CNTNAP2: variants seen among roughly 807,000 people sequenced by gnomAD.
The protein encoded by CNTNAP2 is contactin-associated protein-like 2.
Under a neutral mutation model 155.2 loss-of-function variants are expected in CNTNAP2, and 98 were observed. That is an observed-to-expected ratio of 0.63 (90% CI 0.54 to 0.75). The LOEUF (loss-of-function observed/expected upper bound fraction) is 0.75. Among genes scored for constraint, CNTNAP2 ranks in the 30% least tolerant of loss-of-function variants. The pLI is 0.00. For synonymous variants in CNTNAP2, 651 were observed against 631.2 expected (o/e 1.03, Z -0.47); for missense variants, 1,727 against 1,688.1 (o/e 1.02, Z -0.40).
intron 1 of CNTNAP2, among the ~76,000 whole-genome samples, chr7:146,185,620 C>T (rs757680433): frequency 7.2e-5 from 11 of 152,122 alleles, no homozygotes; most frequent in Non-Finnish European, 1.3e-4. Context: ...GTGCCTGGCA[C>T]GTAGTAAGTG....
intron 17 of CNTNAP2, among the ~76,000 whole-genome samples, chr7:148,171,150 G>A (rs1160238781): frequency 6.6e-6 from 1 of 152,156 alleles, no homozygotes; most frequent in African/African-American, 2.4e-5. Context: ...TGGGAATAAT[G>A]CAAATAATAT....
At chr7:147,702,676 T>C (rs1016448043) in intron 13 of CNTNAP2, among the ~76,000 whole-genome samples, 5 of 151,948 alleles carry the variant, frequency 3.3e-5, no homozygotes, top group African/African-American at 1.2e-4. Context: ...TGTTAATTGG[T>C]GATCTGAAAA....
At chr7:147,483,631 T>C (rs984980940) in intron 10 of CNTNAP2, among the ~76,000 whole-genome samples, 7 of 152,218 alleles carry the variant, frequency 4.6e-5, no homozygotes, top group African/African-American at 1.7e-4. Flanking sequence ...AATATTAGGC[T>C]GAGCTAATAT....
intron 2 of CNTNAP2, among the ~76,000 whole-genome samples, chr7:146,811,057 TA>T (rs1352932414): frequency 6.6e-6 from 1 of 152,184 alleles, no homozygotes; most frequent in African/African-American, 2.4e-5. Flanking sequence ...TGAGGAGTTT[TA>T]CATCTGTGTT....
chr7:147,186,731 G>C (rs1191757069), intron 8 of CNTNAP2, among the ~76,000 whole-genome samples: 1 of 152,158 alleles, frequency 6.6e-6, no homozygotes, highest in Non-Finnish European at 1.5e-5. Flanking sequence ...TCCACGTAGA[G>C]ATGTGGAGAG....
chr7:148,137,576 A>G (rs534188191), intron 16 of CNTNAP2, among the ~76,000 whole-genome samples: 1 of 152,116 alleles, frequency 6.6e-6, no homozygotes, highest in African/African-American at 2.4e-5. Flanking sequence ...GCAGGAGAAT[A>G]ATTTAAACCT....
intron 3 of CNTNAP2, among the ~76,000 whole-genome samples, chr7:146,892,090 A>T (rs1333373442): frequency 6.6e-6 from 1 of 152,202 alleles, no homozygotes; most frequent in East Asian, 1.9e-4. Context: ...AGTTGGTGGC[A>T]GCAGTTCATT....
chr7:146,921,509 C>T (rs1010095374), intron 3 of CNTNAP2, among the ~76,000 whole-genome samples: 1 of 151,966 alleles, frequency 6.6e-6, no homozygotes, highest in Non-Finnish European at 1.5e-5. Flanking sequence ...GGGGTTTAAT[C>T]GACTCACAGT....
chr7:147,430,891 C>G (rs969148819), intron 10 of CNTNAP2, among the ~76,000 whole-genome samples: 2 of 151,718 alleles, frequency 1.3e-5, no homozygotes, highest in Non-Finnish European at 2.9e-5. Flanking sequence ...AGTGAGACAC[C>G]GTCTCTACTG....
intron 1 of CNTNAP2, among the ~76,000 whole-genome samples, chr7:146,615,962 T>C (rs1023189574): frequency 6.6e-6 from 1 of 152,230 alleles, no homozygotes; most frequent in Non-Finnish European, 1.5e-5. Flanking sequence ...TTTGCTCAAG[T>C]TCTTCTGGGA....
chr7:146,322,301 C>A (rs1219732004), intron 1 of CNTNAP2, among the ~76,000 whole-genome samples: 1 of 152,158 alleles, frequency 6.6e-6, no homozygotes, highest in Non-Finnish European at 1.5e-5. Flanking sequence ...AAGAATTCCC[C>A]TTTCCAGGTT....
chr7:148,206,605 T>C (rs1039600446), intron 18 of CNTNAP2, among the ~76,000 whole-genome samples: 4 of 152,236 alleles, frequency 2.6e-5, no homozygotes. Context: ...ATCCTCCCGC[T>C]GTCGTTCCTG....
At chr7:146,611,692 A>G (rs1224577394) in intron 1 of CNTNAP2, among the ~76,000 whole-genome samples, 1 of 152,184 alleles carries the variant, frequency 6.6e-6, no homozygotes, top group Admixed American at 6.5e-5. Flanking sequence ...CTTCAGTGAG[A>G]GGTACCCTTA....
intron 13 of CNTNAP2, among the ~76,000 whole-genome samples, chr7:147,806,030 C>A (rs1361798469): frequency 1.3e-5 from 2 of 152,144 alleles, no homozygotes; most frequent in African/African-American, 4.8e-5. Flanking sequence ...AATCTCCACA[C>A]AGCAAGGGAG....
intron 12 of CNTNAP2, among the ~76,000 whole-genome samples, chr7:147,583,428 AT>A (rs1021764879): frequency 1.0e-4 from 15 of 147,902 alleles, no homozygotes; most frequent in Admixed American, 2.7e-4. Context: ...CTACAACTCT[AT>A]TTTTTTTCCA....
intron 21 of CNTNAP2, among the ~76,000 whole-genome samples, chr7:148,347,110 A>G (rs1200478078): frequency 6.6e-6 from 1 of 152,054 alleles, no homozygotes; most frequent in Non-Finnish European, 1.5e-5. Flanking sequence ...TACAAAAATT[A>G]GCCAGGCATG....
At chr7:147,911,590 G>A (rs58175733) in intron 14 of CNTNAP2, among the ~76,000 whole-genome samples, 32,279 of 152,086 alleles carry the variant, frequency 0.21, 3,663 homozygotes, top group Middle Eastern at 0.3. Flanking sequence ...TCAAAATAAT[G>A]TAAAGTTCCA....
intron 14 of CNTNAP2, among the ~76,000 whole-genome samples, chr7:147,937,809 T>C (rs1459915568): frequency 5.9e-5 from 9 of 152,144 alleles, no homozygotes; most frequent in Non-Finnish European, 1.0e-4. Flanking sequence ...GACTTAGAGA[T>C]TATTTCAGAA....
intron 17 of CNTNAP2, among the ~76,000 whole-genome samples, chr7:148,163,123 G>C (rs1301697708): frequency 2.0e-5 from 3 of 152,206 alleles, no homozygotes; most frequent in Non-Finnish European, 4.4e-5. Context: ...TCAGACGTAG[G>C]AGAAGAAAGT....
Sources: allele counts gnomAD v4.1 joint callset (sites outside exome capture counted in the v4.1 genomes callset), GRCh38; gene constraint gnomAD v4.1.1; transcripts MANE v1.5; gene names NCBI Gene and HGNC (gene_info 2026-07-23, HGNC 2026-07-21).